The following BTBD2 variants were observed in gnomAD, a reference collection of about 807,000 sequenced individuals.
BTBD2 encodes the protein BTB/POZ domain-containing protein 2.
In BTBD2, 15 loss-of-function variants were observed where a neutral mutation model predicts 44.0. That is an observed-to-expected ratio of 0.34 (90% CI 0.23 to 0.53). The LOEUF (loss-of-function observed/expected upper bound fraction) is 0.53, where lower values mean the gene tolerates loss of function less well. Ranked by LOEUF, BTBD2 falls within the 20% of genes least tolerant of loss-of-function variation. The probability of loss-of-function intolerance (pLI) is 0.95; values close to 1 mark genes in which losing one functional copy is unlikely to be tolerated. For missense variants in BTBD2, 657 were observed against 746.4 expected (o/e 0.88, Z 1.39); for synonymous variants, 443 against 335.9 (o/e 1.32, Z -3.49).
chr19:1,986,276 G>T lies in BTBD2; in HGVS notation c.*212C>A. ...CTCCACAGGGCCTGGCCACTGGCCT[G>T]GCCACCTCCCCGGCTGCCCTGATCC... On this transcript the variant is annotated 3_prime_UTR_variant, in exon 9 of 9. Transcript: ENST00000255608. 1.6e-6 allele frequency: 1 copy of T among 613,496 alleles called. No individual in the cohort carries two copies. The highest frequency in any genetic ancestry group is 2.0e-5 in the South Asian group (1 of 50,868). The allele number at this position is 613,496 out of a possible 1,614,324, so 38.0% of individuals were successfully genotyped here. A position where few individuals can be genotyped will look rare whatever the true frequency, so the allele number is the denominator to read the frequency against.
intron 1 of BTBD2, among the ~76,000 whole-genome samples, chr19:2,009,392 G>A (rs2145650792): frequency 6.6e-6 from 1 of 151,868 alleles, no homozygotes; most frequent in Admixed American, 6.6e-5. Context: ...TAGAGACGGG[G>A]TTTCACCATG....
Position 2,015,621 on chromosome 19 carries a change from G to A in BTBD2, c.83C>T (p.Pro28Leu). The change falls in exon 1 of 9, where the codon CCC (proline) becomes CTC (leucine). Residue 28 changes from proline (P) to leucine (L), a missense_variant. Pro to Leu is a moderately conservative substitution (Grantham distance 98, BLOSUM62 -3). Coordinates refer to ENST00000255608, the MANE Select transcript of BTBD2 (RefSeq NM_017797.4). ...CGGGGTGGCGGCGGCGTTGGCGCTG[G>A]GCCCGGGACTGCCCCCCGTGCCCGG... is the stretch of plus-strand genomic sequence containing the variant. The part of the protein sequence containing the change: ...VGPGTGGSPG[P>L]SANAAATPAP... 2.0e-6 allele frequency: 2 copies of A among 977,370 alleles called. No individual in the cohort carries two copies. Among genetic ancestry groups the A allele is most frequent in the Non-Finnish European group, 2.4e-6 (2 of 827,836 alleles). The allele number at this position is 977,370 out of a possible 1,614,324, so 60.5% of individuals were successfully genotyped here.
chr19:2,005,530 C>G (rs538939056), intron 1 of BTBD2, among the ~76,000 whole-genome samples: 2 of 152,156 alleles, frequency 1.3e-5, no homozygotes, highest in South Asian at 4.2e-4. Context: ...GTCTGTCATC[C>G]CAGCACTTTG....
chr19:1,989,637 G>A (rs1028969541), intron 5 of BTBD2: 17 of 309,566 alleles, frequency 5.5e-5, no homozygotes, highest in African/African-American at 2.4e-4. Flanking sequence ...CCACTCGGGC[G>A]CATGACAGCC....
chr19:2,013,783 C>A, intron 1 of BTBD2: 2 of 599,302 alleles, frequency 3.3e-6, no homozygotes, highest in Non-Finnish European at 4.2e-6. Context: ...TGGGGGTCTC[C>A]GGTGGGGGTC....
rs533982825 is a variant in BTBD2 at position 1,986,152 on chromosome 19, C to T, written c.*336G>A. The T allele has an allele frequency of 4.0e-5, 14 of 350,496 alleles. No individual in the cohort carries two copies. Among genetic ancestry groups the T allele is most frequent in the African/African-American group, 2.1e-4 (10 of 48,046 alleles). 21.7% of individuals were successfully genotyped at this position (350,496 alleles called of 1,614,324 possible). A position where few individuals can be genotyped will look rare whatever the true frequency, so the allele number is the denominator to read the frequency against. ...GAAGAGACGCGAGGGACGCCCGCGGCGCACCGCCGGCAGACGACGTGGGCA... is the reference window on the plus strand; with the variant it reads ...GAAGAGACGCGAGGGACGCCCGCGGTGCACCGCCGGCAGACGACGTGGGCA... On this transcript the variant is annotated 3_prime_UTR_variant, in exon 9 of 9. Transcript: ENST00000255608.
chr19:2,014,291 G>A (rs1007500873), intron 1 of BTBD2: 1 of 151,566 alleles, frequency 6.6e-6, no homozygotes, highest in Non-Finnish European at 1.5e-5. Context: ...GTATAGGGAT[G>A]GAGGGGTGTG....
At chr19:1,994,945 C>T (rs2016230751) in intron 2 of BTBD2, among the ~76,000 whole-genome samples, 1 of 152,048 alleles carries the variant, frequency 6.6e-6, no homozygotes, top group South Asian at 2.1e-4. Flanking sequence ...AACCCAATGT[C>T]ATGAAGATTT....
intron 1 of BTBD2, among the ~76,000 whole-genome samples, chr19:2,012,109 C>T (rs955565323): frequency 8.6e-5 from 13 of 151,972 alleles, no homozygotes; most frequent in Admixed American, 3.9e-4. Context: ...CCGCCTCGGC[C>T]TCCCAAAGTG....
chr19:2,005,744 C>T (rs1464574078), intron 1 of BTBD2, among the ~76,000 whole-genome samples: 3 of 149,044 alleles, frequency 2.0e-5, no homozygotes, highest in Admixed American at 6.8e-5. Flanking sequence ...ATCACACCAT[C>T]GCGCTCCAGC....
At chr19:2,011,877 C>CA (rs1212487988) in intron 1 of BTBD2, among the ~76,000 whole-genome samples, 4 of 151,446 alleles carry the variant, frequency 2.6e-5, no homozygotes, top group Non-Finnish European at 5.9e-5. Flanking sequence ...TTTTTTGAGA[C>CA]AGAGTCTTGC....
At chr19:1,990,487 C>T (rs1356839757) in intron 4 of BTBD2, 33 of 609,228 alleles carry the variant, frequency 5.4e-5, no homozygotes, top group South Asian at 2.8e-4. Flanking sequence ...CATCGGAGGA[C>T]GAGATGGTCA....
chr19:2,005,448 C>T (rs374550475), intron 1 of BTBD2, among the ~76,000 whole-genome samples: 36 of 152,036 alleles, frequency 2.4e-4, no homozygotes, highest in Middle Eastern at 3.4e-3. Flanking sequence ...CCTGAGTATC[C>T]GGGACTAGGG....
intron 1 of BTBD2, among the ~76,000 whole-genome samples, chr19:2,004,229 C>T (rs2016365952): frequency 6.6e-6 from 1 of 151,916 alleles, no homozygotes; most frequent in Admixed American, 6.6e-5. Flanking sequence ...TGGGAACATA[C>T]CGTCAGGACC....
At chr19:2,013,046 C>T (rs988461409) in intron 1 of BTBD2, among the ~76,000 whole-genome samples, 2 of 152,172 alleles carry the variant, frequency 1.3e-5, no homozygotes, top group Non-Finnish European at 2.9e-5. Flanking sequence ...GAGACAGGGA[C>T]GGCGACACGG....
chr19:2,013,408 G>C (rs529444890), intron 1 of BTBD2: 1 of 670,064 alleles, frequency 1.5e-6, no homozygotes, highest in African/African-American at 2.0e-5. Flanking sequence ...GGGCTGGGGA[G>C]GGAGGGACCC....
At chr19:2,005,633 G>A (rs1357464728) in intron 1 of BTBD2, among the ~76,000 whole-genome samples, 3 of 151,722 alleles carry the variant, frequency 2.0e-5, no homozygotes, top group Non-Finnish European at 2.9e-5. Context: ...AATACAAAAC[G>A]TAGTCAGGTG....
chr19:1,989,961 C>A (rs1442270566), intron 5 of BTBD2, 43 bp downstream of exon 5: 11 of 1,604,852 alleles, frequency 6.9e-6, no homozygotes, highest in Non-Finnish European at 7.7e-6. Context: ...CACCTGTGTG[C>A]CACTCCCCTC....
In BTBD2 at chr19:1,989,991, C is replaced by G. The variant is rs762391215; in HGVS notation, c.988+13G>C. On this transcript the variant is annotated intron_variant, in intron 5 of 8. Coordinates refer to ENST00000255608, the MANE Select transcript of BTBD2 (RefSeq NM_017797.4). The stretch of plus-strand genomic sequence containing the variant: ...CCCCTCCCAAACCAGCCCCTGAGCC[C>G]GAGCTCTGTTACCTGCAGCGAACTC... The G allele has an allele frequency of 1.9e-6, 3 of 1,612,536 alleles. No individual in the cohort carries two copies. The highest frequency in any genetic ancestry group is 2.5e-6 in the Non-Finnish European group (3 of 1,179,682).
Sources: gnomAD v4.1 joint callset for allele counts (sites outside exome capture counted in the v4.1 genomes callset) on GRCh38, gnomAD v4.1.1 for gene constraint, MANE v1.5 for transcripts, NCBI Gene and HGNC (gene_info 2026-07-23, HGNC 2026-07-21) for gene names.